The following CERT1 variants were observed in gnomAD, a reference collection of about 807,000 sequenced individuals.
The protein encoded by CERT1 is ceramide transfer protein.
A neutral mutation model predicts 87.9 loss-of-function variants in CERT1; 31 were observed. The ratio of observed to expected loss-of-function variants is 0.35; its 90% CI spans 0.27 to 0.48. The LOEUF is 0.48. Ranked by LOEUF, CERT1 falls within the 20% of genes least tolerant of loss-of-function variation. The probability of loss-of-function intolerance (pLI) is 0.99; values close to 1 mark genes in which losing one functional copy is unlikely to be tolerated. For missense variants in CERT1, 487 were observed against 758.0 expected (o/e 0.64, Z 4.20); for synonymous variants, 289 against 250.9 (o/e 1.15, Z -1.44).
chr5:75,491,398 T>C (rs544027862), intron 2 of CERT1, among the ~76,000 whole-genome samples: 3 of 152,326 alleles, frequency 2.0e-5, no homozygotes, highest in South Asian at 2.1e-4. Context: ...CAGAAGTGTG[T>C]CTCTTTAAAT....
At chr5:75,486,200 T>C (rs1766516753) in intron 2 of CERT1, among the ~76,000 whole-genome samples, 1 of 152,140 alleles carries the variant, frequency 6.6e-6, no homozygotes, top group Non-Finnish European at 1.5e-5. Flanking sequence ...TGGTTCAACA[T>C]ACGCAAATCT....
chr5:75,504,711 C>T (rs1003771573), intron 2 of CERT1, among the ~76,000 whole-genome samples: 3 of 150,080 alleles, frequency 2.0e-5, no homozygotes, highest in Admixed American at 1.3e-4. Flanking sequence ...CAACAGCTCC[C>T]TTAACTGACC....
At chr5:75,468,952 T>A (rs1765588169) in intron 2 of CERT1, among the ~76,000 whole-genome samples, 1 of 151,924 alleles carries the variant, frequency 6.6e-6, no homozygotes, top group African/African-American at 2.4e-5. Flanking sequence ...AAAATAAACT[T>A]CCAATGACAA....
chr5:75,401,736 G>A (rs1384290718), intron 9 of CERT1: 1 of 152,292 alleles, frequency 6.6e-6, no homozygotes, highest in East Asian at 1.9e-4. Flanking sequence ...AGATACACAT[G>A]AGAAGCAGTT....
At chr5:75,501,522 C>T (rs939338176) in intron 2 of CERT1, among the ~76,000 whole-genome samples, 1 of 152,182 alleles carries the variant, frequency 6.6e-6, no homozygotes, top group Non-Finnish European at 1.5e-5. Flanking sequence ...TACCAAAAAT[C>T]TCTACCTGTT....
At chr5:75,432,440 T>C (rs538985353) in intron 3 of CERT1, among the ~76,000 whole-genome samples, 1 of 152,260 alleles carries the variant, frequency 6.6e-6, no homozygotes, top group African/African-American at 2.4e-5. Context: ...GAGATGGTTC[T>C]GATTTACATT....
chr5:75,509,607 TC>T (rs200676407), intron 1 of CERT1, among the ~76,000 whole-genome samples: 1 of 152,070 alleles, frequency 6.6e-6, no homozygotes, highest in African/African-American at 2.4e-5. Context: ...GGTTACTTTT[TC>T]CCCCGGTCAC....
chr5:75,373,941 A>G (rs1342662878), downstream of CERT1: 1 of 396,442 alleles, frequency 2.5e-6, no homozygotes, highest in Non-Finnish European at 4.4e-6. Context: ...GAGCAAGCAA[A>G]TAAAAATATA....
chr5:75,403,081 A>T, intron 8 of CERT1, 23 bp from the exon 9 acceptor site: 1 of 1,513,508 alleles, frequency 6.6e-7, no homozygotes, highest in Non-Finnish European at 9.1e-7. Context: ...ACAGTGGAGA[A>T]AAAAGCAGTT....
chr5:75,422,100 T>C (rs1343283138), intron 5 of CERT1, among the ~76,000 whole-genome samples: 1 of 152,076 alleles, frequency 6.6e-6, no homozygotes, highest in Non-Finnish European at 1.5e-5. Context: ...AAAACGTTAA[T>C]CTCTCTCTCT....
downstream of CERT1, chr5:75,375,251 A>G (rs1288708074): frequency 6.6e-6 from 1 of 152,584 alleles, no homozygotes; most frequent in Non-Finnish European, 1.5e-5. Flanking sequence ...GCCTTATTTA[A>G]TCAACAAACA....
chr5:75,466,850 T>C (rs1395000182), intron 2 of CERT1, among the ~76,000 whole-genome samples: 1 of 152,232 alleles, frequency 6.6e-6, no homozygotes, highest in Non-Finnish European at 1.5e-5. Context: ...ATTACCTCAA[T>C]GTTTTTCTTT....
chr5:75,485,312 C>CAAAAAAAAAAAAA (rs757349878), intron 2 of CERT1, among the ~76,000 whole-genome samples: 2,054 of 45,056 alleles, frequency 0.046, 1 homozygote, highest in Middle Eastern at 0.059. Context: ...CACAAAAATA[C>CAAAAAAAAAAAAA]AAAAAAAAAA....
At position 75,403,063 on chromosome 5, in the gene CERT1, T is replaced by G; in HGVS notation, c.931-5A>C. 3 of 1,599,576 alleles carry G rather than the reference T, an allele frequency of 1.9e-6. No homozygotes were observed. The highest frequency in any genetic ancestry group is 2.6e-6 in the Non-Finnish European group (3 of 1,167,974). ...AATCAGACTGTTAGGGCCTTCCTAT[T>G]CCAACACACAGTGGAGAAAAAAGCA... On this transcript the variant is annotated splice_polypyrimidine_tract_variant and splice_region_variant and intron_variant, in intron 8 of 16. Transcript: ENST00000643780.
intron 2 of CERT1, among the ~76,000 whole-genome samples, chr5:75,485,863 A>C (rs1018122310): frequency 1.8e-4 from 28 of 152,184 alleles, no homozygotes; most frequent in Non-Finnish European, 1.5e-5. Context: ...CAAAGCTGTA[A>C]TAAAAAGTCT....
chr5:75,412,491 T>C (rs1762970385), intron 7 of CERT1, among the ~76,000 whole-genome samples: 1 of 152,272 alleles, frequency 6.6e-6, no homozygotes, highest in African/African-American at 2.4e-5. Flanking sequence ...ATGTATTTAC[T>C]GTCACATGTT....
intron 8 of CERT1, among the ~76,000 whole-genome samples, chr5:75,403,757 G>C (rs1442150775): frequency 6.6e-6 from 1 of 152,210 alleles, no homozygotes; most frequent in Non-Finnish European, 1.5e-5. Flanking sequence ...TTGTGTGGGA[G>C]ACTTCTTACA....
intron 3 of CERT1, among the ~76,000 whole-genome samples, chr5:75,429,374 G>GT (rs1302718695): frequency 6.6e-6 from 1 of 151,882 alleles, no homozygotes; most frequent in East Asian, 1.9e-4. Context: ...GATAATTTTT[G>GT]TATTTTTAGT....
intron 2 of CERT1, among the ~76,000 whole-genome samples, chr5:75,479,861 C>T (rs946518260): frequency 2.6e-5 from 4 of 152,150 alleles, no homozygotes; most frequent in South Asian, 2.1e-4. Context: ...TGTGAGGAAT[C>T]GCCATACTGC....
Sources: gnomAD v4.1 joint callset for allele counts (sites outside exome capture counted in the v4.1 genomes callset) on GRCh38, gnomAD v4.1.1 for gene constraint, MANE v1.5 for transcripts, NCBI Gene and HGNC (gene_info 2026-07-23, HGNC 2026-07-21) for gene names.